The following VPS13A variants were observed in gnomAD, a reference collection of about 807,000 sequenced individuals.
VPS13A encodes vacuolar protein sorting 13 homolog A, also known as intermembrane lipid transfer protein VPS13A.
VPS13A carries 264 observed loss-of-function variants against 390.9 expected under a neutral mutation model. The observed-to-expected ratio is 0.68, with a 90% CI of 0.61 to 0.75. The LOEUF (loss-of-function observed/expected upper bound fraction) is 0.75. Ranked by LOEUF, VPS13A falls within the 30% of genes least tolerant of loss-of-function variation. The pLI is 0.00. For synonymous variants in VPS13A, 1,231 were observed against 1,227.1 expected, an observed-to-expected ratio of 1.00 and a Z score of -0.07; for missense variants, 3,409 against 3,733.9, an observed-to-expected ratio of 0.91 and a Z score of 2.27.
intron 13 of VPS13A, among the ~76,000 whole-genome samples, chr9:77,224,613 A>G (rs901272759): frequency 6.6e-6 from 1 of 152,228 alleles, no homozygotes; most frequent in African/African-American, 2.4e-5. Flanking sequence ...CAATCTCATG[A>G]TAAAACTTTA....
At chr9:77,331,356 C>T (rs1254603441) in intron 45 of VPS13A, among the ~76,000 whole-genome samples, 1 of 152,038 alleles carries the variant, frequency 6.6e-6, no homozygotes, top group Non-Finnish European at 1.5e-5. Context: ...AGTTCCTGTT[C>T]ACATCATTTT....
At chr9:77,383,405 G>A (rs981672255) in intron 68 of VPS13A, among the ~76,000 whole-genome samples, 1 of 152,004 alleles carries the variant, frequency 6.6e-6, no homozygotes, top group Non-Finnish European at 1.5e-5. Context: ...TTGGAAGATA[G>A]TAAATTTGCA....
chr9:77,227,630 C>A (rs919053860), intron 16 of VPS13A, 145 bp downstream of exon 16: 3 of 638,442 alleles, frequency 4.7e-6, no homozygotes, highest in Non-Finnish European at 8.1e-6. Context: ...AATCCTCCCA[C>A]CTCAGCCTCT....
In VPS13A at chr9:77,212,985, G is replaced by A; in HGVS notation, c.572G>A (p.Trp191Ter). The A allele has an allele frequency of 6.2e-7, 1 of 1,613,746 alleles. No individual in the cohort carries two copies. The highest frequency in any genetic ancestry group is 1.1e-5 in the South Asian group (1 of 91,056). The change falls in exon 8 of 72, where the codon TGG becomes TAG. Residue 191 changes from tryptophan (W) to a stop codon, truncating the protein, a stop_gained. Coordinates refer to ENST00000360280, the MANE Select transcript of VPS13A (RefSeq NM_033305.3). LOFTEE classifies it high-confidence loss of function. ...CCTTTTCAGACAACTGATCAATACT[G>A]GGTTCCATGTTTACATGATGAAACT... Reference protein sequence around the residue: ...NLSMQTTDQYWVPCLHDETEK... With the variant: ...NLSMQTTDQY
At chr9:77,342,004 A>G (rs913296853) in intron 50 of VPS13A, among the ~76,000 whole-genome samples, 13 of 152,064 alleles carry the variant, frequency 8.5e-5, no homozygotes, top group African/African-American at 3.1e-4. Flanking sequence ...GGAAAGTCTG[A>G]TGTAGGATAA....
rs1402619293 is a variant in VPS13A at position 77,339,608 on chromosome 9, A to G, written c.6471A>G (p.Leu2157=). 3 of 1,612,066 alleles carry G rather than the reference A, an allele frequency of 1.9e-6. No homozygotes were observed. Among genetic ancestry groups the G allele is most frequent in the African/African-American group, 1.3e-5 (1 of 74,924 alleles). The part of the protein sequence containing the change: ...QLGKARLHLK[L]LDYLNHDWKS... ...GTAAAGCCAGGCTACATTTAAAATT[A>G]CTTGACTATCTCAATCACGATTGGA... Residue 2157 remains leucine, a synonymous_variant, in exon 48 of 72, where the codon TTA becomes TTG. Transcript: ENST00000360280.
Position 77,419,585 on chromosome 9 carries a change from C to T in VPS13A, c.*3579C>T, listed in dbSNP as rs754195468. The T allele has an allele frequency of 6.6e-6, 1 of 152,248 alleles. No individual in the cohort carries two copies. The allele number at this position is 152,248 out of a possible 1,614,324, so 9.4% of individuals were successfully genotyped here. Reference sequence around the variant, plus strand: ...TTTTGAGTGAGAAGATGGAATCACTCTTGGTTTCTAAAATATTTTTCTTCT... The same window carrying T: ...TTTTGAGTGAGAAGATGGAATCACTTTTGGTTTCTAAAATATTTTTCTTCT... On this transcript the variant is annotated 3_prime_UTR_variant, in exon 72 of 72. Transcript: ENST00000360280.
At chr9:77,258,530 A>G (rs1027126133) in intron 22 of VPS13A, among the ~76,000 whole-genome samples, 9 of 152,156 alleles carry the variant, frequency 5.9e-5, no homozygotes, top group African/African-American at 2.2e-4. Context: ...TTCTTAGAAA[A>G]TCAAAGCATG....
In VPS13A at chr9:77,214,342, A is replaced by G. The variant is rs1822728316; in HGVS notation, c.710A>G (p.Asn237Ser). Reference sequence around the variant, plus strand: ...GTCTTTTAATAGGACGACTTGAAGAATGGCATTGTCAATGAAAATATTGTT... The same window carrying G: ...GTCTTTTAATAGGACGACTTGAAGAGTGGCATTGTCAATGAAAATATTGTT... ...DYDNSLDDLK[N>S]GIVNENIVPE... The change falls in exon 10 of 72, where the codon AAT (asparagine) becomes AGT (serine). Residue 237 changes from asparagine (N) to serine (S), a missense_variant. Around this residue, in one of 5 missense-constraint regions of VPS13A, gnomAD observed 2,717 missense variants for 2,917.4 expected, o/e 0.93. Coordinates refer to ENST00000360280, the MANE Select transcript of VPS13A (RefSeq NM_033305.3). 1 of 1,613,020 alleles carries G rather than the reference A, an allele frequency of 6.2e-7. No individual in the cohort carries two copies. The highest frequency in any genetic ancestry group is 1.3e-5 in the African/African-American group (1 of 75,014).
chr9:77,411,243 G>A (rs927723980), intron 71 of VPS13A, among the ~76,000 whole-genome samples: 10 of 152,056 alleles, frequency 6.6e-5, no homozygotes, highest in Non-Finnish European at 1.5e-4. Context: ...AAACCAACGA[G>A]AACAAAGACA....
chr9:77,178,523 G>A (rs1208280318), intron 1 of VPS13A, among the ~76,000 whole-genome samples: 1 of 152,164 alleles, frequency 6.6e-6, no homozygotes, highest in Admixed American at 6.5e-5. Flanking sequence ...TAGGATATGT[G>A]GGTCAGAGTG....
intron 67 of VPS13A, among the ~76,000 whole-genome samples, chr9:77,371,784 T>C (rs890026249): frequency 6.9e-6 from 1 of 144,394 alleles, no homozygotes; most frequent in African/African-American, 2.6e-5. Flanking sequence ...ATTAGGTATA[T>C]CTCCCAATGC....
chr9:77,370,999 T>C, intron 66 of VPS13A, 27 bp from the exon 67 acceptor site: 2 of 1,614,126 alleles, frequency 1.2e-6, no homozygotes, highest in Non-Finnish European at 1.7e-6. Flanking sequence ...TTGGATGCAA[T>C]TGTCAAAAAC....
intron 33 of VPS13A, among the ~76,000 whole-genome samples, chr9:77,298,937 A>G (rs1205567194): frequency 6.6e-6 from 1 of 152,078 alleles, no homozygotes; most frequent in Non-Finnish European, 1.5e-5. Context: ...ACTTTCTGCC[A>G]TGCTTGTGAG....
chr9:77,348,164 A>G (rs571105622), intron 52 of VPS13A, among the ~76,000 whole-genome samples: 20 of 152,324 alleles, frequency 1.3e-4, no homozygotes, highest in Non-Finnish European at 2.8e-4. Context: ...TTATAAAGAT[A>G]GATGCACACA....
chr9:77,372,706 C>T lies in VPS13A; in HGVS notation c.9077+1557C>T, dbSNP rs566285561. ...GAGGAAGTCAAATTGTCCCTGTTTG[C>T]AGACGACATGATTGTATATCTAGAA... On this transcript the variant is annotated intron_variant, in intron 67 of 71. Coordinates refer to ENST00000360280, the MANE Select transcript of VPS13A (RefSeq NM_033305.3). 9.0e-3 allele frequency among the ~76,000 whole-genome samples: 1,374 copies of T among 152,242 alleles called. 18 individuals carry two copies. The highest frequency in any genetic ancestry group is 0.031 in the African/African-American group (1,308 of 41,540).
At chr9:77,369,500 G>T (rs1832629020) in intron 63 of VPS13A, 88 bp downstream of exon 63, 4 of 925,298 alleles carry the variant, frequency 4.3e-6, no homozygotes, top group Admixed American at 1.8e-5. Context: ...GAGTTAATAA[G>T]TGCAAACAGA....
intron 22 of VPS13A, among the ~76,000 whole-genome samples, chr9:77,254,320 T>G (rs1414372587): frequency 6.6e-6 from 1 of 152,246 alleles, no homozygotes; most frequent in African/African-American, 2.4e-5. Context: ...TTGAATGGCC[T>G]TGGTACCCTA....
chr9:77,370,785 T>C (rs182910274), intron 65 of VPS13A, 105 bp from the exon 66 acceptor site: 8 of 1,490,830 alleles, frequency 5.4e-6, no homozygotes, highest in African/African-American at 2.8e-5. Context: ...TTAATTCTTA[T>C]GCTATATAAA....
Sources: allele counts gnomAD v4.1 joint callset (sites outside exome capture counted in the v4.1 genomes callset), GRCh38; gene constraint gnomAD v4.1.1; regional missense constraint gnomAD v4.1.1; transcripts MANE v1.5; gene names NCBI Gene and HGNC (gene_info 2026-07-23, HGNC 2026-07-21).